TPM2: variants seen among roughly 807,000 people sequenced by gnomAD.
TPM2 encodes tropomyosin beta chain.
TPM2 carries 26 observed loss-of-function variants against 41.0 expected under a neutral mutation model. The ratio of observed to expected loss-of-function variants is 0.63; its 90% CI spans 0.46 to 0.88. The LOEUF (loss-of-function observed/expected upper bound fraction) is 0.88. TPM2 is among the 40% of genes least tolerant of loss of function. The probability of loss-of-function intolerance (pLI) is 0.00; values close to 1 mark genes in which losing one functional copy is unlikely to be tolerated. For missense variants in TPM2, 187 were observed against 355.2 expected (o/e 0.53, Z 3.81); for synonymous variants, 143 against 139.3 (o/e 1.03, Z -0.19).
At chr9:35,682,445 A>G, downstream of TPM2, 1 of 1,298,690 alleles carries the variant, frequency 7.7e-7, no homozygotes, top group Non-Finnish European at 1.0e-6. Context: ...GGTTTAAGGA[A>G]GTTGGAGACA....
At position 35,685,157 on chromosome 9, in the gene TPM2, G is replaced by A. The variant is rs766290810; in HGVS notation, c.563+112C>T. ...TGGCTCGGCTGGGGGCAGCGGGCAGGGGTCAGAGAACAGGGCCTGTCCCTA... is the reference window on the plus strand; with the variant it reads ...TGGCTCGGCTGGGGGCAGCGGGCAGAGGTCAGAGAACAGGGCCTGTCCCTA... On this transcript the variant is annotated intron_variant, in intron 5 of 8. Transcript: ENST00000645482. This position sits in a 1 kb window ranked among gnomAD's most constrained non-coding sequence, Gnocchi z 5.0. 19 of 1,614,092 alleles carry A rather than the reference G, an allele frequency of 1.2e-5. No homozygotes were observed. In the East Asian group the frequency reaches 1.8e-4, roughly 15 times the overall value.
chr9:35,686,048 T>G (rs996593542), intron 2 of TPM2, among the ~76,000 whole-genome samples: 1 of 152,098 alleles, frequency 6.6e-6, no homozygotes, highest in Non-Finnish European at 1.5e-5. Context: ...GTGAGGAGTT[T>G]GAGAGCAGCC....
chr9:35,684,444 A>G, intron 7 of TPM2, 44 bp downstream of exon 7: 1 of 1,613,490 alleles, frequency 6.2e-7, no homozygotes, highest in Non-Finnish European at 8.5e-7. Context: ...GGCAAGGATT[A>G]GGGTGGCTTG....
At chr9:35,689,381 G>A in intron 1 of TPM2, 110 bp from the exon 2 acceptor site, 2 of 1,530,940 alleles carry the variant, frequency 1.3e-6, no homozygotes, top group Admixed American at 2.0e-5. Flanking sequence ...TGGGATGGAA[G>A]CGGAATAACA....
At chr9:35,682,445 A>T, downstream of TPM2, 1 of 1,298,690 alleles carries the variant, frequency 7.7e-7, no homozygotes, top group Non-Finnish European at 1.0e-6. Context: ...GGTTTAAGGA[A>T]GTTGGAGACA....
intron 8 of TPM2, 68 bp downstream of exon 8, chr9:35,684,178 G>C: frequency 6.6e-7 from 1 of 1,523,120 alleles, no homozygotes; most frequent in Non-Finnish European, 9.1e-7. Context: ...AATAAAATGG[G>C]ATGAGAAGGT....
chr9:35,686,539 T>A (rs558835070), intron 2 of TPM2: 1 of 146,682 alleles, frequency 6.8e-6, no homozygotes, highest in African/African-American at 2.5e-5. Flanking sequence ...CTGGGCATGG[T>A]GGTGCATGCC....
Position 35,684,652 on chromosome 9 carries a change from C to A in TPM2, c.639+80G>T. On this transcript the variant is annotated intron_variant, in intron 6 of 8. Transcript: ENST00000645482. ...CTGGTCATCTTGCCTCCGTTGAACA[C>A]CCAGCCCCTCCCTGCCTTGGGCCCC... 1.9e-6 allele frequency: 3 copies of A among 1,613,418 alleles called. No individual in the cohort carries two copies. In the Admixed American group the frequency reaches 5.0e-5, roughly 27 times the overall value.
At position 35,686,878 on chromosome 9, in the gene TPM2, T is replaced by C. The variant is rs147247616; in HGVS notation, c.241-1098A>G. ...CCATGGAGGTTTTGGAAAAAATCCA[T>C]AAAAACTGGTCAAACACTGAGAAAA... On this transcript the variant is annotated intron_variant, in intron 2 of 8. Coordinates refer to ENST00000645482, the MANE Select transcript of TPM2 (RefSeq NM_003289.4). 5.8e-3 allele frequency among the ~76,000 whole-genome samples: 881 copies of C among 152,088 alleles called. 7 individuals carry two copies. The highest frequency in any genetic ancestry group is 0.02 in the African/African-American group (829 of 41,478).
intron 1 of TPM2, 144 bp from the exon 2 acceptor site, chr9:35,689,415 G>A (rs752666151): frequency 1.4e-6 from 2 of 1,464,318 alleles, no homozygotes; most frequent in Non-Finnish European, 1.8e-6. Context: ...ACAGTCAAGG[G>A]TACTGGTGGG....
At chr9:35,684,162 G>T in intron 8 of TPM2, 84 bp downstream of exon 8, 1 of 1,432,654 alleles carries the variant, frequency 7.0e-7, no homozygotes, top group Non-Finnish European at 9.8e-7. Flanking sequence ...TAGTTTATTG[G>T]TGGCAAATAA....
At position 35,689,831 on chromosome 9, in the gene TPM2, G is replaced by T; in HGVS notation, c.-14C>A. ...GATGGCGTCCATGGCTGCGGTGGGG[G>T]GTGGGCCGGCCGGCAGGCGGTGAGG... On this transcript the variant is annotated 5_prime_UTR_variant, in exon 1 of 9. Transcript: ENST00000645482. 2 of 1,613,446 alleles carry T rather than the reference G, an allele frequency of 1.2e-6. No homozygotes were observed. The highest frequency in any genetic ancestry group is 1.1e-5 in the South Asian group (1 of 91,076).
chr9:35,682,376 G>T, downstream of TPM2: 1 of 1,003,918 alleles, frequency 1.0e-6, no homozygotes, highest in Non-Finnish European at 1.4e-6. Context: ...AGGCCTTGGG[G>T]TCATAGAGGT....
Position 35,685,077 on chromosome 9 carries a change from G to A in TPM2, c.563+192C>T. The A allele has an allele frequency of 6.2e-7, 1 of 1,614,196 alleles. No homozygotes were observed. Among genetic ancestry groups the A allele is most frequent in the Non-Finnish European group, 8.5e-7 (1 of 1,180,030 alleles). ...AGGGGTCACTACCTCCTCCTCTGAG[G>A]CCATCAGGGACTTGAGGGCCTGGTC... On this transcript the variant is annotated intron_variant, in intron 5 of 8. Coordinates refer to ENST00000645482, the MANE Select transcript of TPM2 (RefSeq NM_003289.4). The surrounding 1 kb of genome is among the most constrained non-coding windows in gnomAD (Gnocchi z 5.0).
In TPM2 at chr9:35,689,874, G is replaced by A; in HGVS notation, c.-57C>T. The stretch of plus-strand genomic sequence containing the variant: ...CGGTGAGGACCGGACGGACTGGGCT[G>A]GGTGAGCGGACTGGGTGCACCGGTG... On this transcript the variant is annotated 5_prime_UTR_variant, in exon 1 of 9. Transcript: ENST00000645482. 1 of 1,611,082 alleles carries A rather than the reference G, an allele frequency of 6.2e-7. No homozygotes were observed. The highest frequency in any genetic ancestry group is 8.5e-7 in the Non-Finnish European group (1 of 1,178,938).
chr9:35,683,245 G>GC lies in TPM2; in HGVS notation c.773-5_773-4insG, dbSNP rs767660365. On this transcript the variant is annotated splice_polypyrimidine_tract_variant and splice_region_variant and intron_variant, in intron 8 of 8. Transcript: ENST00000645482. ...ATCTTCTGGGCATAGACTTCATCTG[G>GC]GGGGGGTCCAGGGAGGGGACCAGGT... The GC allele has an allele frequency of 1.9e-6, 3 of 1,549,644 alleles. No individual in the cohort carries two copies. The highest frequency in any genetic ancestry group is 4.9e-5 in the East Asian group (2 of 41,188).
At chr9:35,683,885 A>T (rs1998308) in intron 8 of TPM2, among the ~76,000 whole-genome samples, 90,882 of 152,062 alleles carry the variant, frequency 0.6, 27,602 homozygotes, top group Middle Eastern at 0.68. Context: ...ATTGTCTATA[A>T]GGGTGCCACT....
downstream of TPM2, chr9:35,682,773 T>C: frequency 1.5e-6 from 2 of 1,332,274 alleles, no homozygotes; most frequent in South Asian, 2.5e-5. Flanking sequence ...AGCCAGGGAG[T>C]GCCTGTGCAG....
chr9:35,685,437 TTCA>T lies in TPM2; in HGVS notation c.486_488del (p.Tyr162_Glu163delinsTer). The T allele has an allele frequency of 1.2e-6, 2 of 1,614,228 alleles. No individual in the cohort carries two copies. The highest frequency in any genetic ancestry group is 1.7e-6 in the Non-Finnish European group (2 of 1,180,036). Reference sequence around the variant, plus strand: ...GGCAGAGGGGCAAGGCTGTCACCTCTTCATATTTGCGGTCTGAATCCTCAGCGA... The same window carrying T: ...GGCAGAGGGGCAAGGCTGTCACCTCTTATTTGCGGTCTGAATCCTCAGCGA... On this transcript the variant is annotated stop_gained and inframe_deletion, in exon 4 of 9. Coordinates refer to ENST00000645482, the MANE Select transcript of TPM2 (RefSeq NM_003289.4). LOFTEE classifies it high-confidence loss of function. This position sits in a 1 kb window ranked among gnomAD's most constrained non-coding sequence, Gnocchi z 5.0.
Sources: gnomAD v4.1 joint callset for allele counts (sites outside exome capture counted in the v4.1 genomes callset) on GRCh38, gnomAD v4.1.1 for gene constraint, Gnocchi (gnomAD v3.1) non-coding constraint, MANE v1.5 for transcripts, NCBI Gene and HGNC (gene_info 2026-07-23, HGNC 2026-07-21) for gene names.